The following DDX31 variants were observed in gnomAD, a reference collection of about 807,000 sequenced individuals.
DDX31 encodes DEAD-box helicase 31.
DDX31 carries 70 observed loss-of-function variants against 91.3 expected under a neutral mutation model. The ratio of observed to expected loss-of-function variants is 0.77; its 90% CI spans 0.63 to 0.94. The LOEUF (loss-of-function observed/expected upper bound fraction) is 0.94, where lower values mean the gene tolerates loss of function less well. Ranked by LOEUF, DDX31 falls within the 40% of genes least tolerant of loss-of-function variation. DDX31 has a pLI of 0.00. For synonymous variants in DDX31, 362 were observed against 350.6 expected (o/e 1.03, Z -0.36); for missense variants, 902 against 925.0 (o/e 0.98, Z 0.32).
chr9:132,599,837 C>G (rs1830634750), intron 19 of DDX31, among the ~76,000 whole-genome samples: 1 of 152,248 alleles, frequency 6.6e-6, no homozygotes, highest in South Asian at 2.1e-4. Context: ...CCCTGAAGGT[C>G]TCTGCTGACG....
intron 19 of DDX31, among the ~76,000 whole-genome samples, chr9:132,604,050 C>T (rs1830869029): frequency 1.3e-5 from 2 of 152,180 alleles, no homozygotes; most frequent in Admixed American, 1.3e-4. Flanking sequence ...AAAAGCAAGG[C>T]CCACAGCACC....
Position 132,651,128 on chromosome 9 carries a change from T to G in DDX31, c.634-12A>C. 6.2e-7 allele frequency: 1 copy of G among 1,607,280 alleles called. No homozygotes were observed. The highest frequency in any genetic ancestry group is 1.1e-5 in the South Asian group (1 of 89,038). ...CTTTGTAGAGCTAGCTGTAAAAATT[T>G]TAAAAGTTATAGATGATGAACAGGA... On this transcript the variant is annotated splice_polypyrimidine_tract_variant and intron_variant, in intron 7 of 19. Coordinates refer to ENST00000372159, the MANE Select transcript of DDX31 (RefSeq NM_022779.9).
At chr9:132,655,960 G>A (rs748617838) in intron 6 of DDX31, among the ~76,000 whole-genome samples, 9 of 152,230 alleles carry the variant, frequency 5.9e-5, no homozygotes, top group Non-Finnish European at 1.3e-4. Flanking sequence ...TGGTAAATAT[G>A]CTAGTACAAC....
chr9:132,638,214 G>A, intron 14 of DDX31: 1 of 1,526,590 alleles, frequency 6.6e-7, no homozygotes, highest in Non-Finnish European at 8.8e-7. Context: ...AGCCACCGGA[G>A]ACCAACAGAA....
chr9:132,645,979 G>C lies in DDX31; in HGVS notation c.1296C>G (p.Ser432Arg), dbSNP rs199812968. The change falls in exon 13 of 20, where the codon AGC becomes AGG. Residue 432 changes from serine to arginine, a missense_variant. Transcript: ENST00000372159. ...ACTGCCCTGATGCCGGCGCCCCTGA[G>C]CTGCTCAGCAGGGTCTGTAGGAAGA... ...YSLFLQTLLSSSGAPASGQLP... is the reference protein window; with the variant it reads ...YSLFLQTLLSRSGAPASGQLP... 2 of 1,614,144 alleles carry C rather than the reference G, an allele frequency of 1.2e-6. No homozygotes were observed. The highest frequency in any genetic ancestry group is 3.3e-5 in the Admixed American group (2 of 60,026).
chr9:132,657,527 T>C (rs1672972779), intron 6 of DDX31, among the ~76,000 whole-genome samples: 1 of 152,266 alleles, frequency 6.6e-6, no homozygotes, highest in African/African-American at 2.4e-5. Context: ...CAATAATTTA[T>C]TTGTATCAGT....
In DDX31 at chr9:132,630,303, T is replaced by C. The variant is rs766931553; in HGVS notation, c.1592A>G (p.Glu531Gly). Residue 531 changes from glutamate to glycine, a missense_variant, in exon 16 of 20, where the codon GAG becomes GGG. Coordinates refer to ENST00000372159, the MANE Select transcript of DDX31 (RefSeq NM_022779.9). ...AGCCAACGAGTTGACATATTCTGCC[T>C]CCGAAGGAGCCAAAATGAGCAGGCT... ...GSSLLILAPS[E>G]AEYVNSLASH... The C allele has an allele frequency of 1.3e-6, 2 of 1,594,140 alleles. No homozygotes were observed. The highest frequency in any genetic ancestry group is 2.7e-5 in the African/African-American group (2 of 74,760).
intron 5 of DDX31, among the ~76,000 whole-genome samples, chr9:132,659,446 A>T (rs780421061): frequency 6.6e-6 from 1 of 152,208 alleles, no homozygotes; most frequent in Non-Finnish European, 1.5e-5. Flanking sequence ...TGGCCACCAC[A>T]CCTTGGTAAA....
chr9:132,627,832 C>G (rs907875252), intron 16 of DDX31, among the ~76,000 whole-genome samples: 4 of 152,222 alleles, frequency 2.6e-5, no homozygotes, highest in African/African-American at 9.6e-5. Context: ...CTCGGCCTGC[C>G]TTCTCCAATC....
At position 132,662,293 on chromosome 9, in the gene DDX31, C is replaced by G; in HGVS notation, c.376G>C (p.Ala126Pro). The change falls in exon 3 of 20, where the codon GCT (alanine) becomes CCT (proline). Residue 126 changes from alanine to proline, a missense_variant. By Grantham distance (27) the Ala-to-Pro change is conservative. Coordinates refer to ENST00000372159, the MANE Select transcript of DDX31 (RefSeq NM_022779.9). ...QVQEKVFTSA[A>P]FHELGLHPHL... ...GGGTGGAGGCCCAGCTCATGAAAAG[C>G]AGCTGAAGTAAACACTTTTTCTTGC... The G allele has an allele frequency of 6.2e-7, 1 of 1,614,214 alleles. No homozygotes were observed. The highest frequency in any genetic ancestry group is 1.1e-5 in the South Asian group (1 of 91,086).
chr9:132,651,164 T>G, intron 7 of DDX31, 48 bp from the exon 8 acceptor site: 6 of 1,513,552 alleles, frequency 4.0e-6, no homozygotes, highest in Non-Finnish European at 4.5e-6. Context: ...TCCCCCTTTT[T>G]TTTTTTTTAA....
rs1435505201 is a variant in DDX31 at position 132,662,543 on chromosome 9, T to C, written c.228A>G (p.Pro76=). The C allele has an allele frequency of 6.2e-7, 1 of 1,614,266 alleles. No individual in the cohort carries two copies. Among genetic ancestry groups the C allele is most frequent in the Non-Finnish European group, 8.5e-7 (1 of 1,180,050 alleles). ...FKGNAQKMFS[P]KKHSVSTSDR... is the part of the protein sequence containing the mutation. ...CACTTGTGCTAACCGAATGCTTCTT[T>C]GGAGAAAACATTTTTTGTGCGTTCC... The change falls in exon 2 of 20, where the codon CCA becomes CCG. Residue 76 remains proline, a synonymous_variant. Transcript: ENST00000372159.
Position 132,630,239 on chromosome 9 carries a change from A to C in DDX31, c.1631+25T>G, listed in dbSNP as rs2130654792. 5.1e-6 allele frequency: 8 copies of C among 1,561,320 alleles called. No homozygotes were observed. The East Asian group carries it at 1.8e-4, about 36-fold the overall frequency. On this transcript the variant is annotated intron_variant, in intron 16 of 19. Coordinates refer to ENST00000372159, the MANE Select transcript of DDX31 (RefSeq NM_022779.9). Reference sequence around the variant, plus strand: ...AAGTTAATTAGGTGAGACCAGCCGAAACCCCATTCAGGTTTCTGACTCACT... The same window carrying C: ...AAGTTAATTAGGTGAGACCAGCCGACACCCCATTCAGGTTTCTGACTCACT...
rs1487493004 is a variant in DDX31, at chr9:132,593,435, T to C, written c.*1431A>G. 1 of 152,222 alleles carries C rather than the reference T, an allele frequency of 6.6e-6. No individual in the cohort carries two copies. Among genetic ancestry groups the C allele is most frequent in the Admixed American group, 6.5e-5 (1 of 15,278 alleles). 9.4% of individuals were successfully genotyped at this position (152,222 alleles called of 1,614,324 possible). ...ATTACACATCGAAATAAAAGAAAGG[T>C]GGCAGACTTGCCCAACGCCAGGCTG... is the stretch of plus-strand genomic sequence containing the variant. On this transcript the variant is annotated 3_prime_UTR_variant, in exon 20 of 20. Coordinates refer to ENST00000372159, the MANE Select transcript of DDX31 (RefSeq NM_022779.9).
In DDX31 at chr9:132,594,693, T is replaced by G; in HGVS notation, c.*173A>C. ...CAGTGCCCCACACCACTGATTTCTA[T>G]CAGGCTCCAGGGCCTCCCATGGAGG... On this transcript the variant is annotated 3_prime_UTR_variant, in exon 20 of 20. Transcript: ENST00000372159. The G allele has an allele frequency of 9.0e-7, 1 of 1,108,656 alleles. No homozygotes were observed. Among genetic ancestry groups the G allele is most frequent in the Non-Finnish European group, 1.3e-6 (1 of 781,122 alleles). 68.7% of individuals were successfully genotyped at this position (1,108,656 alleles called of 1,614,324 possible). A position where few individuals can be genotyped will look rare whatever the true frequency, so the allele number is the denominator to read the frequency against.
intron 7 of DDX31, among the ~76,000 whole-genome samples, chr9:132,652,002 A>G (rs1332134701): frequency 6.6e-6 from 1 of 152,232 alleles, no homozygotes; most frequent in Admixed American, 6.5e-5. Context: ...AATAGATCAG[A>G]TAGAAGAGAT....
intron 6 of DDX31, among the ~76,000 whole-genome samples, chr9:132,653,057 T>A (rs746826521): frequency 9.2e-5 from 14 of 151,780 alleles, no homozygotes; most frequent in Non-Finnish European, 2.1e-4. Context: ...AGAAATATGA[T>A]GTATAAAATT....
intron 11 of DDX31, 91 bp downstream of exon 11, chr9:132,648,098 G>T: frequency 1.9e-6 from 2 of 1,057,394 alleles, no homozygotes; most frequent in Non-Finnish European, 1.4e-6. Context: ...CCCTGAGGTT[G>T]AGAATCACTG....
chr9:132,616,818 G>A (rs1339122994), intron 18 of DDX31, among the ~76,000 whole-genome samples: 4 of 152,158 alleles, frequency 2.6e-5, no homozygotes, highest in East Asian at 1.9e-4. Flanking sequence ...TGGCAATTAC[G>A]GGGACTTCAT....
Sources: gnomAD v4.1 joint callset for allele counts (sites outside exome capture counted in the v4.1 genomes callset) on GRCh38, gnomAD v4.1.1 for gene constraint, MANE v1.5 for transcripts, NCBI Gene and HGNC (gene_info 2026-07-23, HGNC 2026-07-21) for gene names.